Variants in RFX7 observed in about 807,000 individuals in gnomAD.
RFX7 encodes DNA-binding protein RFX7.
RFX7 carries 26 observed loss-of-function variants against 111.8 expected under a neutral mutation model. That is an observed-to-expected ratio of 0.23 (90% CI 0.17 to 0.32). RFX7 has a LOEUF of 0.32. RFX7 is among the 10% of genes least tolerant of loss of function. The pLI, the probability that RFX7 is intolerant of heterozygous loss-of-function variation, is 1.00. For missense variants in RFX7, 1,573 were observed against 1,772.9 expected (o/e 0.89, Z 2.02); for synonymous variants, 624 against 624.4 (o/e 1.00, Z 0.01).
At chr15:56,141,476 A>G (rs573841693) in intron 5 of RFX7, among the ~76,000 whole-genome samples, 44 of 151,872 alleles carry the variant, frequency 2.9e-4, no homozygotes, top group African/African-American at 1.1e-3. Context: ...ATGCTTGCCT[A>G]TGTCACACAA....
intron 5 of RFX7, among the ~76,000 whole-genome samples, chr15:56,111,661 C>CAAAAAAAAAAAAAAAAAAAAACCAAA (rs371681721): frequency 3.1e-5 from 3 of 95,578 alleles, no homozygotes; most frequent in Non-Finnish European, 2.0e-5. Flanking sequence ...ATAAATAAAC[C>CAAAAAAAAAAAAAAAAAAAAACCAAA]AAAAAAAAAA....
intron 3 of RFX7, among the ~76,000 whole-genome samples, chr15:56,167,308 GTC>G (rs1318476876): frequency 6.6e-6 from 1 of 151,942 alleles, no homozygotes; most frequent in Non-Finnish European, 1.5e-5. Flanking sequence ...GTGAGACGAT[GTC>G]TCAAGGAAAA....
intron 2 of RFX7, among the ~76,000 whole-genome samples, chr15:56,183,932 T>A (rs1244078226): frequency 6.6e-6 from 1 of 152,162 alleles, no homozygotes; most frequent in Admixed American, 6.5e-5. Flanking sequence ...TTTATCTGTG[T>A]GTTGATGTTC....
rs1269427855 is a variant in RFX7, at chr15:56,160,411, A to T, written c.196-15928T>A. Among the ~76,000 whole-genome samples, 3 of 152,124 alleles carry T rather than the reference A, an allele frequency of 2.0e-5. No individual in the cohort carries two copies. The East Asian group carries it at 5.8e-4, about 29-fold the overall frequency. On this transcript the variant is annotated intron_variant, in intron 3 of 9. Transcript: ENST00000559447. The stretch of plus-strand genomic sequence containing the variant: ...GGAATAGTCAGCTTAAATTCCAGAA[A>T]CCTAAATAATCAAGTTTAACTGTTT...
At chr15:56,115,320 C>A (rs1429642993) in intron 5 of RFX7, among the ~76,000 whole-genome samples, 1 of 152,168 alleles carries the variant, frequency 6.6e-6, no homozygotes, top group African/African-American at 2.4e-5. Context: ...AGGGGTGAGC[C>A]TCTGTGCCCA....
At chr15:56,219,544 T>C (rs2043402442) in intron 2 of RFX7, among the ~76,000 whole-genome samples, 1 of 152,156 alleles carries the variant, frequency 6.6e-6, no homozygotes, top group East Asian at 1.9e-4. Context: ...GGACCTAGTG[T>C]CTGTTGTTCT....
chr15:56,210,144 T>C (rs538702320), intron 2 of RFX7, among the ~76,000 whole-genome samples: 2 of 152,140 alleles, frequency 1.3e-5, no homozygotes, highest in East Asian at 1.9e-4. Flanking sequence ...GAAAAAGATA[T>C]GTCATGCTAA....
rs1466359461 is a variant in RFX7, at chr15:56,090,302, C to T, written c.*3043G>A. ...ACAACATAAAGTTCTATGCCATGCA[C>T]CATTCATTGGTAATAATCTTAAGTG... On this transcript the variant is annotated 3_prime_UTR_variant, in exon 10 of 10. Coordinates refer to ENST00000559447, the MANE Select transcript of RFX7 (RefSeq NM_022841.7). 2.0e-5 allele frequency: 3 copies of T among 152,142 alleles called. No individual in the cohort carries two copies. The highest frequency in any genetic ancestry group is 7.2e-5 in the African/African-American group (3 of 41,438). The allele number at this position is 152,142 out of a possible 1,614,324, so 9.4% of individuals were successfully genotyped here. A position where few individuals can be genotyped will look rare whatever the true frequency, so the allele number is the denominator to read the frequency against.
At chr15:56,151,780 T>C (rs539504190) in intron 3 of RFX7, among the ~76,000 whole-genome samples, 1 of 151,376 alleles carries the variant, frequency 6.6e-6, no homozygotes, top group East Asian at 1.9e-4. Context: ...AGATAAAGAG[T>C]CAAGACCCAT....
At chr15:56,134,675 T>G (rs1434376157) in intron 5 of RFX7, among the ~76,000 whole-genome samples, 1 of 150,718 alleles carries the variant, frequency 6.6e-6, no homozygotes. Context: ...TTGTGCAGGT[T>G]ACTTACATAT....
intron 2 of RFX7, among the ~76,000 whole-genome samples, chr15:56,238,978 C>T (rs1054787175): frequency 6.6e-6 from 1 of 150,710 alleles, no homozygotes; most frequent in African/African-American, 2.4e-5. Context: ...GGACTACAGG[C>T]GCACGATGCC....
rs1464993112 is a variant in RFX7, at chr15:56,094,026, T to A, written c.3702A>T (p.Thr1234=). 1.2e-6 allele frequency: 2 copies of A among 1,614,006 alleles called. No individual in the cohort carries two copies. The highest frequency in any genetic ancestry group is 1.7e-5 in the Admixed American group (1 of 60,012). The change falls in exon 10 of 10, where the codon ACA becomes ACT. Residue 1234 remains threonine (T), a synonymous_variant. Coordinates refer to ENST00000559447, the MANE Select transcript of RFX7 (RefSeq NM_022841.7). The part of the protein sequence containing the change: ...QSVPLTVMMQ[T]AFPNALQKQA... ...GCTTCTGAAGAGCGTTTGGGAAGGC[T>A]GTCTGCATCATGACTGTCAATGGAA... is the stretch of plus-strand genomic sequence containing the variant.
At chr15:56,121,622 A>G (rs2042079850) in intron 5 of RFX7, among the ~76,000 whole-genome samples, 2 of 152,122 alleles carry the variant, frequency 1.3e-5, no homozygotes, top group Admixed American at 1.3e-4. Context: ...TTCTATTCCT[A>G]TCTCTCTGTC....
intron 2 of RFX7, among the ~76,000 whole-genome samples, chr15:56,203,167 G>A (rs1233612270): frequency 6.6e-6 from 1 of 152,180 alleles, no homozygotes. Flanking sequence ...AAGTTGTCAA[G>A]TATAAAAGGT....
chr15:56,139,214 C>T lies in RFX7; in HGVS notation c.401+3564G>A, dbSNP rs576410901. Reference sequence around the variant, plus strand: ...TGGATAATATCCTGCAGAGTGTTTTCCAACTTGGTTCCATTCTCCCCATCA... The same window carrying T: ...TGGATAATATCCTGCAGAGTGTTTTTCAACTTGGTTCCATTCTCCCCATCA... On this transcript the variant is annotated intron_variant, in intron 5 of 9. Coordinates refer to ENST00000559447, the MANE Select transcript of RFX7 (RefSeq NM_022841.7). Among the ~76,000 whole-genome samples the T allele has an allele frequency of 9.2e-5, 14 of 151,584 alleles. No individual in the cohort carries two copies. The East Asian group carries it at 2.5e-3, about 27-fold the overall frequency.
intron 5 of RFX7, among the ~76,000 whole-genome samples, chr15:56,124,689 A>ATT (rs1819314198): frequency 6.6e-6 from 1 of 152,146 alleles, no homozygotes; most frequent in South Asian, 2.1e-4. Flanking sequence ...TCCTTTGCCC[A>ATT]TTTAACAATC....
intron 3 of RFX7, among the ~76,000 whole-genome samples, chr15:56,167,980 G>T (rs1318674725): frequency 3.3e-5 from 5 of 152,102 alleles, no homozygotes; most frequent in African/African-American, 1.2e-4. Context: ...TTTCTATTTG[G>T]AAAAATAAGG....
chr15:56,166,232 C>T (rs529271212), intron 3 of RFX7, among the ~76,000 whole-genome samples: 4 of 152,288 alleles, frequency 2.6e-5, no homozygotes, highest in South Asian at 2.1e-4. Context: ...ACTAGGATTG[C>T]GTTGAATTAC....
chr15:56,135,180 G>A (rs1443966148), intron 5 of RFX7, among the ~76,000 whole-genome samples: 1 of 152,154 alleles, frequency 6.6e-6, no homozygotes, highest in East Asian at 1.9e-4. Context: ...GATCCCTGAG[G>A]AATCGCCATA....
Sources: allele counts gnomAD v4.1 joint callset (sites outside exome capture counted in the v4.1 genomes callset), GRCh38; gene constraint gnomAD v4.1.1; transcripts MANE v1.5; gene names NCBI Gene and HGNC (gene_info 2026-07-23, HGNC 2026-07-21).